TULP4: variants seen among roughly 807,000 people sequenced by gnomAD.
The protein encoded by TULP4 is tubby-related protein 4.
A neutral mutation model predicts 129.0 loss-of-function variants in TULP4; 16 were observed. The ratio of observed to expected loss-of-function variants is 0.12; its 90% CI spans 0.08 to 0.19. The LOEUF (loss-of-function observed/expected upper bound fraction) is 0.19. Among genes scored for constraint, TULP4 ranks in the 10% least tolerant of loss-of-function variants. The probability of loss-of-function intolerance (pLI) is 1.00; values close to 1 mark genes in which losing one functional copy is unlikely to be tolerated. For missense variants in TULP4, 1,842 were observed against 2,059.1 expected (o/e 0.89, Z 2.04); for synonymous variants, 998 against 854.0 (o/e 1.17, Z -2.94).
chr6:158,332,718 T>G (rs1779940327), intron 1 of TULP4, among the ~76,000 whole-genome samples: 1 of 152,188 alleles, frequency 6.6e-6, no homozygotes, highest in South Asian at 2.1e-4. Flanking sequence ...CGGACTTTCC[T>G]GGATTTTCTC....
chr6:158,359,544 G>A (rs1359418925), intron 1 of TULP4, among the ~76,000 whole-genome samples: 2 of 152,090 alleles, frequency 1.3e-5, no homozygotes, highest in East Asian at 1.9e-4. Context: ...ATGGAGGCTT[G>A]GAGGCTAAGC....
chr6:158,453,114 A>G (rs1255099369), intron 5 of TULP4, among the ~76,000 whole-genome samples: 1 of 152,084 alleles, frequency 6.6e-6, no homozygotes, highest in Non-Finnish European at 1.5e-5. Flanking sequence ...TGGTCTAGGG[A>G]GTCATTACCG....
At chr6:158,264,145 C>A (rs111594683) in intron 1 of TULP4, among the ~76,000 whole-genome samples, 1 of 152,152 alleles carries the variant, frequency 6.6e-6, no homozygotes. Context: ...ACAAAAACTT[C>A]AGTGAAATTT....
chr6:158,458,417 G>A (rs907165723), intron 5 of TULP4, among the ~76,000 whole-genome samples: 3 of 152,138 alleles, frequency 2.0e-5, no homozygotes, highest in Non-Finnish European at 2.9e-5. Context: ...TCCAGAGTAC[G>A]GACCTCTTGT....
intron 1 of TULP4, among the ~76,000 whole-genome samples, chr6:158,396,883 A>C (rs1256515804): frequency 6.6e-6 from 1 of 152,168 alleles, no homozygotes; most frequent in African/African-American, 2.4e-5. Flanking sequence ...GGTGGAGGCT[A>C]TTCTGTGTAA....
chr6:158,412,455 A>C (rs1163738724), intron 1 of TULP4, among the ~76,000 whole-genome samples: 1 of 152,202 alleles, frequency 6.6e-6, no homozygotes, highest in Non-Finnish European at 1.5e-5. Context: ...AATTTTTCAA[A>C]TTAAAAAACA....
upstream of TULP4, among the ~76,000 whole-genome samples, chr6:158,280,964 G>A (rs1479598658): frequency 6.6e-6 from 1 of 152,134 alleles, no homozygotes; most frequent in African/African-American, 2.4e-5. Context: ...ATGAATAGCA[G>A]ATACCTTACA....
chr6:158,279,013 C>G (rs1488046989), upstream of TULP4, among the ~76,000 whole-genome samples: 2 of 147,508 alleles, frequency 1.4e-5, no homozygotes, highest in Non-Finnish European at 3.0e-5. Flanking sequence ...GATCTCGGCT[C>G]ACTGCAAGCT....
At chr6:158,436,725 G>A (rs1245177536) in intron 3 of TULP4, among the ~76,000 whole-genome samples, 1 of 152,194 alleles carries the variant, frequency 6.6e-6, no homozygotes, top group Non-Finnish European at 1.5e-5. Context: ...CTTAAAGCAC[G>A]ATTTCAAATA....
chr6:158,494,166 C>T (rs1211547727), intron 10 of TULP4, among the ~76,000 whole-genome samples: 2 of 152,180 alleles, frequency 1.3e-5, no homozygotes, highest in Non-Finnish European at 2.9e-5. Context: ...GGCCTCCTAC[C>T]CTGGTTTGCC....
At chr6:158,246,121 G>T (rs935542080) in intron 1 of TULP4, among the ~76,000 whole-genome samples, 2 of 151,894 alleles carry the variant, frequency 1.3e-5, no homozygotes. Flanking sequence ...GACTCACAAG[G>T]AGAGTTGAGG....
At chr6:158,273,115 T>C (rs1323726308) in intron 1 of TULP4, among the ~76,000 whole-genome samples, 1 of 152,256 alleles carries the variant, frequency 6.6e-6, no homozygotes, top group Non-Finnish European at 1.5e-5. Flanking sequence ...GTCCTTGGAA[T>C]GTGTGTTCTT....
Position 158,457,667 on chromosome 6 carries a change from A to G in TULP4, c.860-3896A>G, listed in dbSNP as rs1779323362. On this transcript the variant is annotated intron_variant, in intron 5 of 13. Transcript: ENST00000367097. Reference sequence around the variant, plus strand: ...GCAAAGCAGACTCCCAGAGGCACTCATTTCATCCCACACTTGCCTTGAAAT... The same window carrying G: ...GCAAAGCAGACTCCCAGAGGCACTCGTTTCATCCCACACTTGCCTTGAAAT... Among the ~76,000 whole-genome samples, 8 of 152,152 alleles carry G rather than the reference A, an allele frequency of 5.3e-5. No homozygotes were observed. The South Asian group carries it at 1.7e-3, about 32-fold the overall frequency.
In TULP4 at chr6:158,502,685, C is replaced by T; in HGVS notation, c.3022C>T (p.Pro1008Ser). The change falls in exon 13 of 14, where the codon CCC (proline) becomes TCC (serine). Residue 1008 changes from proline to serine, a missense_variant. By Grantham distance (74) the Pro-to-Ser change is moderately conservative (BLOSUM62 -1). This residue lies in a region of TULP4 where 1,089 missense variants were observed against 987.1 expected (regional missense o/e 1.10). Transcript: ENST00000367097. Reference sequence around the variant, plus strand: ...CCAGCTGGCCGACAGCCCGCGGGCCCCCCTGCAGCCCCTGGCCAAGTCCAA... The same window carrying T: ...CCAGCTGGCCGACAGCCCGCGGGCCTCCCTGCAGCCCCTGGCCAAGTCCAA... ...MAQLADSPRA[P>S]LQPLAKSKGG... is the part of the protein sequence containing the mutation. The T allele has an allele frequency of 3.9e-6, 6 of 1,555,840 alleles. No homozygotes were observed. Among genetic ancestry groups the T allele is most frequent in the Non-Finnish European group, 5.2e-6 (6 of 1,156,266 alleles).
At chr6:158,380,160 G>A (rs1460899513) in intron 1 of TULP4, among the ~76,000 whole-genome samples, 8 of 152,166 alleles carry the variant, frequency 5.3e-5, no homozygotes, top group Non-Finnish European at 1.2e-4. Flanking sequence ...ATTTACTTTA[G>A]GGTCTTGTCC....
intron 2 of TULP4, among the ~76,000 whole-genome samples, chr6:158,420,413 C>G (rs953382358): frequency 6.6e-6 from 1 of 152,184 alleles, no homozygotes; most frequent in Non-Finnish European, 1.5e-5. Context: ...TTATAGACCA[C>G]GATCTCTGAA....
At position 158,479,982 on chromosome 6, in the gene TULP4, C is replaced by T. The variant is rs1051873184; in HGVS notation, c.1251+7C>T. On this transcript the variant is annotated splice_region_variant and intron_variant, in intron 7 of 13. Coordinates refer to ENST00000367097, the MANE Select transcript of TULP4 (RefSeq NM_020245.5). ...CTTCATCCCCACCATCAAGGTAAAG[C>T]CCTCCACCCCTCCCTCTTCCTCCTC... 2 of 1,580,250 alleles carry T rather than the reference C, an allele frequency of 1.3e-6. No individual in the cohort carries two copies. Among genetic ancestry groups the T allele is most frequent in the Non-Finnish European group, 1.7e-6 (2 of 1,160,006 alleles).
chr6:158,301,082 TAAA>T (rs1030556743), intron 1 of TULP4, among the ~76,000 whole-genome samples: 1 of 152,162 alleles, frequency 6.6e-6, no homozygotes, highest in Non-Finnish European at 1.5e-5. Context: ...ACCTTGAAAA[TAAA>T]GAAGCCAATT....
At chr6:158,441,239 G>C (rs772639971) in intron 3 of TULP4, among the ~76,000 whole-genome samples, 1 of 150,774 alleles carries the variant, frequency 6.6e-6, no homozygotes, top group African/African-American at 2.4e-5. Flanking sequence ...GCTTGAACCC[G>C]AAGGCAGAGG....
Sources: allele counts gnomAD v4.1 joint callset (sites outside exome capture counted in the v4.1 genomes callset), GRCh38; gene constraint gnomAD v4.1.1; regional missense constraint gnomAD v4.1.1; transcripts MANE v1.5; gene names NCBI Gene and HGNC (gene_info 2026-07-23, HGNC 2026-07-21).